PSD3: variants seen among roughly 807,000 people sequenced by gnomAD.
The protein encoded by PSD3 is pleckstrin and Sec7 domain containing 3.
In PSD3, 49 loss-of-function variants were observed where a neutral mutation model predicts 105.5. The observed-to-expected ratio is 0.46, with a 90% CI of 0.37 to 0.59. The LOEUF is 0.59. Ranked by LOEUF, PSD3 falls within the 20% of genes least tolerant of loss-of-function variation. PSD3 has a pLI of 0.00. For missense variants in PSD3, 1,561 were observed against 1,263.8 expected (o/e 1.24, Z -3.57); for synonymous variants, 557 against 457.8 (o/e 1.22, Z -2.77).
chr8:18,759,200 T>G (rs780546587), intron 9 of PSD3, among the ~76,000 whole-genome samples: 12 of 151,966 alleles, frequency 7.9e-5, no homozygotes, highest in Non-Finnish European at 1.6e-4. Context: ...TAAAGCAATT[T>G]CTATAAAAAA....
intron 8 of PSD3, among the ~76,000 whole-genome samples, chr8:18,773,307 G>C (rs907904749): frequency 1.3e-5 from 2 of 152,056 alleles, no homozygotes; most frequent in Non-Finnish European, 2.9e-5. Context: ...CACTCTTGTT[G>C]AAGATTTGAG....
At chr8:18,779,008 G>A (rs1298365059) in intron 8 of PSD3, among the ~76,000 whole-genome samples, 2 of 152,032 alleles carry the variant, frequency 1.3e-5, no homozygotes, top group Non-Finnish European at 2.9e-5. Context: ...CAATTTTTCG[G>A]AATAGTTTGA....
Position 18,533,814 on chromosome 8 carries a change from C to T in PSD3, c.*1929G>A, listed in dbSNP as rs1799724178. On this transcript the variant is annotated 3_prime_UTR_variant, in exon 16 of 16. Coordinates refer to ENST00000327040, the MANE Select transcript of PSD3 (RefSeq NM_015310.4). ...GGATTCAGTGAGAGGCTACAAAAAT[C>T]AATCTGATACATGGGCCATATTGGT... 1 of 152,150 alleles carries T rather than the reference C, an allele frequency of 6.6e-6. No individual in the cohort carries two copies. The highest frequency in any genetic ancestry group is 1.5e-5 in the Non-Finnish European group (1 of 68,028). The allele number at this position is 152,150 out of a possible 1,614,324, so 9.4% of individuals were successfully genotyped here. A position where few individuals can be genotyped will look rare whatever the true frequency, so the allele number is the denominator to read the frequency against.
At chr8:18,687,965 C>T (rs571225076) in intron 9 of PSD3, among the ~76,000 whole-genome samples, 88 of 152,124 alleles carry the variant, frequency 5.8e-4, no homozygotes, top group Non-Finnish European at 1.0e-3. Context: ...GATGGGGTTT[C>T]GCCATGTTGG....
At chr8:18,789,905 T>A (rs866142128) in intron 8 of PSD3, among the ~76,000 whole-genome samples, 2 of 152,296 alleles carry the variant, frequency 1.3e-5, no homozygotes, top group South Asian at 2.1e-4. Context: ...ACTGTGCCAA[T>A]GTAAAAAGCT....
At chr8:18,687,372 G>A (rs1800715462) in intron 9 of PSD3, among the ~76,000 whole-genome samples, 1 of 152,058 alleles carries the variant, frequency 6.6e-6, no homozygotes, top group Non-Finnish European at 1.5e-5. Flanking sequence ...AGGCTGGGGT[G>A]GGAGGATCAC....
intron 9 of PSD3, among the ~76,000 whole-genome samples, chr8:18,656,883 C>T (rs1363210744): frequency 6.6e-6 from 1 of 152,180 alleles, no homozygotes; most frequent in Admixed American, 6.5e-5. Flanking sequence ...CAGTGTCTGG[C>T]TTTACCTTTG....
At chr8:18,776,452 C>T (rs910140361) in intron 8 of PSD3, among the ~76,000 whole-genome samples, 3 of 150,908 alleles carry the variant, frequency 2.0e-5, no homozygotes, top group Admixed American at 1.3e-4. Flanking sequence ...GGCACAACCT[C>T]GGCTGACTGC....
intron 4 of PSD3, among the ~76,000 whole-genome samples, chr8:18,823,519 G>T (rs969870166): frequency 3.3e-5 from 5 of 151,968 alleles, no homozygotes; most frequent in African/African-American, 9.7e-5. Context: ...CCGCCTTCTG[G>T]GTCCTGCCAC....
intron 1 of PSD3, among the ~76,000 whole-genome samples, chr8:19,008,758 T>G (rs1826817999): frequency 6.6e-6 from 1 of 152,168 alleles, no homozygotes; most frequent in Non-Finnish European, 1.5e-5. Context: ...TATAATTCAC[T>G]TTTTCTTAGC....
At chr8:18,673,723 G>A (rs769962638) in intron 9 of PSD3, among the ~76,000 whole-genome samples, 11 of 152,194 alleles carry the variant, frequency 7.2e-5, no homozygotes, top group Non-Finnish European at 1.2e-4. Context: ...GCTGTGAAAC[G>A]TTTATACCTT....
intron 1 of PSD3, among the ~76,000 whole-genome samples, chr8:18,998,968 C>A (rs1163291566): frequency 1.3e-5 from 2 of 151,826 alleles, no homozygotes; most frequent in Non-Finnish European, 2.9e-5. Flanking sequence ...TTTTTATAAA[C>A]CACATTTCTT....
intron 1 of PSD3, among the ~76,000 whole-genome samples, chr8:19,054,167 T>G (rs1405211753): frequency 2.0e-5 from 3 of 152,194 alleles, no homozygotes; most frequent in Admixed American, 2.0e-4. Flanking sequence ...CTTTGGAAGC[T>G]ACATGTTGAA....
At chr8:19,018,606 G>A (rs971413990), upstream of PSD3, among the ~76,000 whole-genome samples, 5 of 152,204 alleles carry the variant, frequency 3.3e-5, no homozygotes, top group Admixed American at 1.3e-4. Context: ...ATGAAAGCAC[G>A]CATGCGCTAA....
chr8:18,859,636 T>C (rs1020452766), intron 4 of PSD3, among the ~76,000 whole-genome samples: 1 of 152,266 alleles, frequency 6.6e-6, no homozygotes, highest in African/African-American at 2.4e-5. Context: ...CTGCAGCTTC[T>C]ACATCAGCAC....
chr8:18,592,898 G>A (rs1803717543), intron 12 of PSD3, among the ~76,000 whole-genome samples: 1 of 152,150 alleles, frequency 6.6e-6, no homozygotes, highest in South Asian at 2.1e-4. Context: ...AACAAATGGT[G>A]CTGGGAAAAC....
At chr8:18,741,566 C>T (rs1423936942) in intron 9 of PSD3, among the ~76,000 whole-genome samples, 2 of 152,046 alleles carry the variant, frequency 1.3e-5, no homozygotes, top group Non-Finnish European at 2.9e-5. Context: ...AAAACTCCAC[C>T]AACACTGCAG....
chr8:18,890,751 G>A (rs1163236981), intron 2 of PSD3, among the ~76,000 whole-genome samples: 1 of 151,800 alleles, frequency 6.6e-6, no homozygotes, highest in African/African-American at 2.4e-5. Flanking sequence ...TTGAGTTACT[G>A]AGTGTGATCC....
chr8:18,892,456 C>G (rs1198058173), intron 2 of PSD3, among the ~76,000 whole-genome samples: 7 of 151,986 alleles, frequency 4.6e-5, no homozygotes, highest in Non-Finnish European at 8.8e-5. Flanking sequence ...ATCTCCTGAC[C>G]TCATGATCTG....
Sources: allele counts gnomAD v4.1 joint callset (sites outside exome capture counted in the v4.1 genomes callset), GRCh38; gene constraint gnomAD v4.1.1; transcripts MANE v1.5; gene names NCBI Gene and HGNC (gene_info 2026-07-23, HGNC 2026-07-21).